The following RABGAP1L variants were observed in gnomAD, a reference collection of about 807,000 sequenced individuals.
The protein encoded by RABGAP1L is RAB GTPase activating protein 1 like.
Under a neutral mutation model 137.7 loss-of-function variants are expected in RABGAP1L, and 63 were observed. The observed-to-expected ratio is 0.46, with a 90% CI of 0.37 to 0.56. The LOEUF (loss-of-function observed/expected upper bound fraction) is 0.56, where lower values mean the gene tolerates loss of function less well. Ranked by LOEUF, RABGAP1L falls within the 20% of genes least tolerant of loss-of-function variation. The pLI, the probability that RABGAP1L is intolerant of heterozygous loss-of-function variation, is 0.00. For synonymous variants in RABGAP1L, 431 were observed against 433.7 expected (o/e 0.99, Z 0.08); for missense variants, 1,095 against 1,244.0 (o/e 0.88, Z 1.80).
chr1:174,640,513 GGTAGTCTAACTGT>G (rs1674444302), intron 14 of RABGAP1L, among the ~76,000 whole-genome samples: 1 of 152,000 alleles, frequency 6.6e-6, no homozygotes, highest in South Asian at 2.1e-4. Flanking sequence ...AAGGCTTAAA[GGTAGTCTAACTGT>G]GTAGTCTAAC....
At chr1:174,890,792 G>A (rs1392666233) in intron 19 of RABGAP1L, among the ~76,000 whole-genome samples, 3 of 151,898 alleles carry the variant, frequency 2.0e-5, no homozygotes, top group Non-Finnish European at 4.4e-5. Flanking sequence ...ATTTTTCTAT[G>A]TCAGTTCATG....
chr1:174,900,763 A>G (rs540743251), intron 19 of RABGAP1L, among the ~76,000 whole-genome samples: 231 of 152,126 alleles, frequency 1.5e-3, no homozygotes, highest in Non-Finnish European at 2.4e-3. Context: ...CAAGTGATCC[A>G]CCTGCATTGG....
intron 19 of RABGAP1L, among the ~76,000 whole-genome samples, chr1:174,822,801 G>A (rs1474387068): frequency 6.6e-6 from 1 of 152,200 alleles, no homozygotes; most frequent in Non-Finnish European, 1.5e-5. Flanking sequence ...TCCGCTGCCT[G>A]GTGGTAGGGA....
At chr1:174,588,165 CTATT>C (rs200054465) in intron 13 of RABGAP1L, among the ~76,000 whole-genome samples, 2 of 151,330 alleles carry the variant, frequency 1.3e-5, no homozygotes, top group East Asian at 1.9e-4. Flanking sequence ...CATGCCTGGC[CTATT>C]TATTTATTTA....
intron 4 of RABGAP1L, among the ~76,000 whole-genome samples, chr1:174,231,947 C>T (rs189967733): frequency 8.3e-4 from 126 of 152,182 alleles, no homozygotes; most frequent in Middle Eastern, 3.4e-3. Context: ...TAGACGGAGC[C>T]GCAGATCCAA....
chr1:174,493,268 G>A lies in RABGAP1L; in HGVS notation c.1710+99123G>A, dbSNP rs188590585. Among the ~76,000 whole-genome samples, 3 of 150,800 alleles carry A rather than the reference G, an allele frequency of 2.0e-5. No homozygotes were observed. In the East Asian group the frequency reaches 5.9e-4, roughly 29 times the overall value. On this transcript the variant is annotated intron_variant, in intron 13 of 25. Transcript: ENST00000681986. ...TCCTAGCTACTTGGGAGACTGAGGT[G>A]GGGAGGTGCTTGAGCTTAGGAGTTT...
chr1:174,292,747 A>G (rs1300259572), intron 10 of RABGAP1L, among the ~76,000 whole-genome samples: 1 of 152,148 alleles, frequency 6.6e-6, no homozygotes. Flanking sequence ...TATCCTATAA[A>G]TGTCCATTAT....
intron 19 of RABGAP1L, among the ~76,000 whole-genome samples, chr1:174,818,836 C>T (rs989825031): frequency 5.9e-5 from 9 of 151,412 alleles, no homozygotes; most frequent in East Asian, 1.9e-4. Flanking sequence ...TGGTGAAACC[C>T]CGTCTCTACC....
intron 8 of RABGAP1L, among the ~76,000 whole-genome samples, chr1:174,273,542 T>C (rs999034346): frequency 2.6e-5 from 4 of 151,762 alleles, no homozygotes. Flanking sequence ...TCTATGTCTC[T>C]TACATCTTTT....
At chr1:174,222,254 C>T (rs1315446807) in intron 3 of RABGAP1L, among the ~76,000 whole-genome samples, 2 of 152,112 alleles carry the variant, frequency 1.3e-5, no homozygotes, top group African/African-American at 4.8e-5. Flanking sequence ...ACATTCAAAC[C>T]TGTAAATAAG....
intron 19 of RABGAP1L, among the ~76,000 whole-genome samples, chr1:174,926,842 A>G (rs573361554): frequency 6.6e-6 from 1 of 152,136 alleles, no homozygotes; most frequent in East Asian, 1.9e-4. Context: ...TGGGAGGCCT[A>G]GGCAGGTGGA....
chr1:174,849,532 G>A, intron 19 of RABGAP1L: 1 of 317,180 alleles, frequency 3.2e-6, no homozygotes, highest in African/African-American at 2.2e-5. Flanking sequence ...ATCCTGAAAA[G>A]TCAGGGAGGT....
At chr1:174,280,047 T>TGGAGGGAG (rs202247350) in intron 10 of RABGAP1L, among the ~76,000 whole-genome samples, 1 of 87,184 alleles carries the variant, frequency 1.1e-5, no homozygotes, top group Non-Finnish European at 2.3e-5. Flanking sequence ...TCTGTCTGCC[T>TGGAGGGAG]GGAGAGAGAG....
rs1451811799 is a variant in RABGAP1L, at chr1:174,980,675, C to G, written c.2733+1785C>G. On this transcript the variant is annotated intron_variant, in intron 23 of 25. Coordinates refer to ENST00000681986, the MANE Select transcript of RABGAP1L (RefSeq NM_001366446.1). The stretch of plus-strand genomic sequence containing the variant: ...CGTTAGGGTCCAGATCAAGGAAAGT[C>G]TTCAGGGCTAGGCTTGGGACCTTGG... Among the ~76,000 whole-genome samples, 3 of 152,188 alleles carry G rather than the reference C, an allele frequency of 2.0e-5. No homozygotes were observed. In the East Asian group the frequency reaches 5.8e-4, roughly 29 times the overall value.
At chr1:174,651,951 C>G (rs1387075746) in intron 14 of RABGAP1L, among the ~76,000 whole-genome samples, 1 of 152,150 alleles carries the variant, frequency 6.6e-6, no homozygotes, top group Admixed American at 6.5e-5. Flanking sequence ...TACAATTTGG[C>G]ATGGTTTTGC....
intron 14 of RABGAP1L, among the ~76,000 whole-genome samples, chr1:174,641,265 A>C (rs974974120): frequency 9.9e-5 from 15 of 152,032 alleles, no homozygotes; most frequent in African/African-American, 3.6e-4. Context: ...GAACTGTCAC[A>C]TTAGAGGGAA....
At chr1:174,646,399 G>A (rs1454736264) in intron 14 of RABGAP1L, among the ~76,000 whole-genome samples, 1 of 152,092 alleles carries the variant, frequency 6.6e-6, no homozygotes, top group Non-Finnish European at 1.5e-5. Context: ...TAAGATTTAA[G>A]TAAGGGGTCT....
intron 11 of RABGAP1L, among the ~76,000 whole-genome samples, chr1:174,356,930 T>C (rs1425284563): frequency 1.3e-5 from 2 of 152,154 alleles, no homozygotes; most frequent in Admixed American, 6.5e-5. Context: ...TACAACACTA[T>C]GTAATTGAGA....
At chr1:174,881,945 T>C (rs1654299277) in intron 19 of RABGAP1L, among the ~76,000 whole-genome samples, 1 of 152,164 alleles carries the variant, frequency 6.6e-6, no homozygotes, top group Admixed American at 6.5e-5. Flanking sequence ...CACCGCTATC[T>C]CTGCCTCCCG....
Sources: gnomAD v4.1 joint callset for allele counts (sites outside exome capture counted in the v4.1 genomes callset) on GRCh38, gnomAD v4.1.1 for gene constraint, MANE v1.5 for transcripts, NCBI Gene and HGNC (gene_info 2026-07-23, HGNC 2026-07-21) for gene names.